Variants in LRMDA observed in about 807,000 individuals in gnomAD.
The protein encoded by LRMDA is leucine-rich melanocyte differentiation-associated protein.
LRMDA carries 18 observed loss-of-function variants against 29.8 expected under a neutral mutation model. The observed-to-expected ratio is 0.60, with a 90% CI of 0.42 to 0.90. The LOEUF is 0.90. LRMDA is among the 40% of genes least tolerant of loss of function. The probability of loss-of-function intolerance (pLI) is 0.00; values close to 1 mark genes in which losing one functional copy is unlikely to be tolerated. For synonymous variants in LRMDA, 125 were observed against 109.4 expected (o/e 1.14, Z -0.89); for missense variants, 273 against 273.9 (o/e 1.00, Z 0.02).
At chr10:76,043,416 A>C (rs190709797) in intron 3 of LRMDA, among the ~76,000 whole-genome samples, 526 of 152,302 alleles carry the variant, frequency 3.5e-3, no homozygotes, top group Non-Finnish European at 5.3e-3. Context: ...TTACTCCTAC[A>C]CAATGTACCC....
chr10:75,578,783 A>G (rs1237102125), intron 2 of LRMDA, among the ~76,000 whole-genome samples: 2 of 151,700 alleles, frequency 1.3e-5, no homozygotes, highest in Admixed American at 1.3e-4. Flanking sequence ...CTGCTCCTGA[A>G]TGACTACTGG....
At chr10:75,544,873 C>T (rs1033901873) in intron 2 of LRMDA, among the ~76,000 whole-genome samples, 1 of 152,180 alleles carries the variant, frequency 6.6e-6, no homozygotes, top group Admixed American at 6.5e-5. Context: ...AGTGCAAGCT[C>T]ACCACTAAGT....
intron 2 of LRMDA, among the ~76,000 whole-genome samples, chr10:75,509,419 GAC>G (rs1273578885): frequency 3.9e-5 from 6 of 152,034 alleles, no homozygotes; most frequent in African/African-American, 1.5e-4. Context: ...TGTATGATGT[GAC>G]ATGTGCATAT....
chr10:75,976,882 C>T (rs1008498642), intron 2 of LRMDA, among the ~76,000 whole-genome samples: 31 of 152,002 alleles, frequency 2.0e-4, no homozygotes, highest in Non-Finnish European at 4.4e-5. Flanking sequence ...CTGAATAAAC[C>T]CTTGTTGGGT....
In LRMDA at chr10:75,746,210, C is replaced by A. The variant is rs554926803; in HGVS notation, c.132-289798C>A. On this transcript the variant is annotated intron_variant, in intron 2 of 6. Transcript: ENST00000611255. ...TGTTTTATATAGTGTAAATGCTCCA[C>A]AAACATTAGTTAAGAGGTCATTACG... is the stretch of plus-strand genomic sequence containing the variant. 1.2e-4 allele frequency among the ~76,000 whole-genome samples: 18 copies of A among 152,304 alleles called. 1 individual carries two copies. In the East Asian group the frequency reaches 3.5e-3, roughly 29 times the overall value.
At chr10:76,545,184 T>A (rs1344767033) in intron 6 of LRMDA, among the ~76,000 whole-genome samples, 3 of 78,452 alleles carry the variant, frequency 3.8e-5, no homozygotes, top group Non-Finnish European at 6.8e-5. Context: ...TTATTTTGTT[T>A]TTTTTTTTTT....
At chr10:76,510,571 C>A (rs1190855198) in intron 6 of LRMDA, among the ~76,000 whole-genome samples, 1 of 152,150 alleles carries the variant, frequency 6.6e-6, no homozygotes, top group East Asian at 1.9e-4. Flanking sequence ...CGGACTGCCA[C>A]AAAATGTGTA....
intron 3 of LRMDA, among the ~76,000 whole-genome samples, chr10:76,039,360 G>T (rs766119085): frequency 6.6e-6 from 1 of 152,178 alleles, no homozygotes; most frequent in African/African-American, 2.4e-5. Flanking sequence ...TGTGTAAATT[G>T]AATCTTTAAA....
chr10:76,345,611 A>G (rs1189430800), intron 6 of LRMDA, among the ~76,000 whole-genome samples: 2 of 151,944 alleles, frequency 1.3e-5, no homozygotes, highest in African/African-American at 2.4e-5. Flanking sequence ...TGAAAGATGC[A>G]TGATAATAGT....
chr10:75,702,685 G>C (rs1263006309), intron 2 of LRMDA, among the ~76,000 whole-genome samples: 1 of 152,166 alleles, frequency 6.6e-6, no homozygotes, highest in African/African-American at 2.4e-5. Context: ...TATTTTTATT[G>C]CCATATTTTT....
intron 2 of LRMDA, among the ~76,000 whole-genome samples, chr10:75,760,718 A>T (rs902937236): frequency 3.9e-5 from 6 of 152,154 alleles, no homozygotes; most frequent in African/African-American, 9.7e-5. Context: ...AGGGCAGTGG[A>T]TGAGGAACTC....
chr10:75,952,904 A>G (rs532113285), intron 2 of LRMDA, among the ~76,000 whole-genome samples: 1 of 152,026 alleles, frequency 6.6e-6, no homozygotes, highest in Non-Finnish European at 1.5e-5. Context: ...ACAGGTGCAC[A>G]CCACCATGCC....
At chr10:76,348,226 G>A (rs2132428601) in intron 6 of LRMDA, among the ~76,000 whole-genome samples, 1 of 152,286 alleles carries the variant, frequency 6.6e-6, no homozygotes, top group East Asian at 1.9e-4. Flanking sequence ...ACTGAGAAAG[G>A]GTGAACGATC....
chr10:75,522,244 T>G (rs1845370284), intron 2 of LRMDA, among the ~76,000 whole-genome samples: 1 of 152,190 alleles, frequency 6.6e-6, no homozygotes, highest in African/African-American at 2.4e-5. Context: ...AGGCAGACCT[T>G]ATACTCATTG....
intron 2 of LRMDA, among the ~76,000 whole-genome samples, chr10:75,446,215 G>A (rs12266039): frequency 0.013 from 1,966 of 152,338 alleles, 50 homozygotes; most frequent in African/African-American, 0.044. Flanking sequence ...CTTTGGGGTT[G>A]GACCATCCTG....
chr10:76,304,951 T>C (rs1840533471), intron 5 of LRMDA, among the ~76,000 whole-genome samples: 1 of 152,174 alleles, frequency 6.6e-6, no homozygotes, highest in African/African-American at 2.4e-5. Context: ...GAGGGCCTTC[T>C]AGGAAATGGA....
In LRMDA at chr10:76,047,256, C is replaced by T. The variant is rs878854351; in HGVS notation, c.351C>T (p.Asn117=). 5.6e-6 allele frequency: 9 copies of T among 1,613,780 alleles called. No homozygotes were observed. Among genetic ancestry groups the T allele is most frequent in the African/African-American group, 1.3e-5 (1 of 74,876 alleles). Residue 117 remains asparagine, a synonymous_variant, in exon 4 of 7, where the codon AAC becomes AAT. Coordinates refer to ENST00000611255, the MANE Select transcript of LRMDA (RefSeq NM_001305581.2). ...TGCTGGGCAACGTGGCCTGTCCCAA[C>T]GAGCTGGTCAGCTTGGAAAAGGATG... ...LSLLGNVACP[N]ELVSLEKDEE...
chr10:76,413,334 A>G (rs1324506301), intron 6 of LRMDA, among the ~76,000 whole-genome samples: 1 of 152,206 alleles, frequency 6.6e-6, no homozygotes, highest in Non-Finnish European at 1.5e-5. Context: ...AGACCAGGTA[A>G]TGCACACAGA....
chr10:75,599,540 G>T (rs902871800), intron 2 of LRMDA, among the ~76,000 whole-genome samples: 3 of 152,180 alleles, frequency 2.0e-5, no homozygotes, highest in Admixed American at 6.5e-5. Flanking sequence ...AGTATGGATT[G>T]CAGGCAGCTG....
Sources: allele counts gnomAD v4.1 joint callset (sites outside exome capture counted in the v4.1 genomes callset), GRCh38; gene constraint gnomAD v4.1.1; transcripts MANE v1.5; gene names NCBI Gene and HGNC (gene_info 2026-07-23, HGNC 2026-07-21).